GALNT13: variants seen among roughly 807,000 people sequenced by gnomAD.
GALNT13 encodes the protein polypeptide N-acetylgalactosaminyltransferase 13, also known as UDP-GalNAc:polypeptide N-acetylgalactosaminyltransferase 13.
In GALNT13, 28 loss-of-function variants were observed where a neutral mutation model predicts 64.2. The ratio of observed to expected loss-of-function variants is 0.44; its 90% CI spans 0.32 to 0.60. The LOEUF (loss-of-function observed/expected upper bound fraction) is 0.60, where lower values mean the gene tolerates loss of function less well. Among genes scored for constraint, GALNT13 ranks in the 20% least tolerant of loss-of-function variants. The pLI is 0.05. For synonymous variants in GALNT13, 214 were observed against 224.6 expected, an observed-to-expected ratio of 0.95 and a Z score of 0.42; for missense variants, 577 against 669.8, an observed-to-expected ratio of 0.86 and a Z score of 1.53.
chr2:153,546,040 A>G, the GALNT13 span, among the ~76,000 whole-genome samples: 4 of 152,122 alleles, frequency 2.6e-5, no homozygotes, highest in African/African-American at 9.7e-5. Context: ...TCTCTTCCTC[A>G]TTCCCACCAT....
the GALNT13 span, among the ~76,000 whole-genome samples, chr2:153,796,272 G>A: frequency 6.6e-6 from 1 of 152,236 alleles, no homozygotes; most frequent in East Asian, 1.9e-4. Context: ...GTCAATTATC[G>A]CAAGAAGAGA....
chr2:153,092,779 A>G, the GALNT13 span, among the ~76,000 whole-genome samples: 2 of 152,174 alleles, frequency 1.3e-5, no homozygotes, highest in African/African-American at 2.4e-5. Context: ...CATCTGCAAA[A>G]CAAAGATAAT....
chr2:153,326,600 G>T, the GALNT13 span, among the ~76,000 whole-genome samples: 3 of 152,060 alleles, frequency 2.0e-5, no homozygotes, highest in African/African-American at 7.2e-5. Context: ...TTACATTTTG[G>T]TATGTTTTTG....
At chr2:154,110,114 G>A (rs11679438) in intron 3 of GALNT13, among the ~76,000 whole-genome samples, 27,557 of 150,652 alleles carry the variant, frequency 0.18, 3,306 homozygotes, top group Non-Finnish European at 0.26. Flanking sequence ...TTTCTTTGCT[G>A]GATGAACTGA....
chr2:153,806,183 T>C, the GALNT13 span, among the ~76,000 whole-genome samples: 1 of 152,076 alleles, frequency 6.6e-6, no homozygotes, highest in East Asian at 1.9e-4. Flanking sequence ...GTCTAAAACA[T>C]CTTGTTATAC....
rs963264394 is a variant in GALNT13, at chr2:153,972,499, A to G, written c.142+27860A>G. Among the ~76,000 whole-genome samples, 15 of 152,238 alleles carry G rather than the reference A, an allele frequency of 9.9e-5. 1 individual carries two copies. Among genetic ancestry groups the G allele is most frequent in the African/African-American group, 3.6e-4 (15 of 41,560 alleles). The stretch of plus-strand genomic sequence containing the variant: ...TGGAAGTCCCCTTATTAGAAAAACA[A>G]TAACTACATATTGAGAATGTATAAC... On this transcript the variant is annotated intron_variant, in intron 3 of 12. Transcript: ENST00000392825.
At chr2:154,305,958 A>G (rs1693708517) in intron 9 of GALNT13, among the ~76,000 whole-genome samples, 2 of 152,190 alleles carry the variant, frequency 1.3e-5, no homozygotes, top group African/African-American at 4.8e-5. Flanking sequence ...GAATGAATGA[A>G]TAATTTTTAA....
intron 3 of GALNT13, among the ~76,000 whole-genome samples, chr2:154,108,810 A>G (rs2105481954): frequency 6.6e-6 from 1 of 152,088 alleles, no homozygotes. Context: ...CTGCATGTGG[A>G]TATTCAGCTT....
At chr2:154,117,045 T>C (rs2105506420) in intron 3 of GALNT13, among the ~76,000 whole-genome samples, 1 of 152,212 alleles carries the variant, frequency 6.6e-6, no homozygotes, top group Admixed American at 6.5e-5. Context: ...GCAGGAAGCA[T>C]CCAGCATGGG....
chr2:153,617,605 T>C, the GALNT13 span, among the ~76,000 whole-genome samples: 1 of 151,972 alleles, frequency 6.6e-6, no homozygotes, highest in African/African-American at 2.4e-5. Context: ...TCCTCTTTTA[T>C]TTTTGGAAAA....
At chr2:153,885,898 G>A (rs142292455) in intron 1 of GALNT13, among the ~76,000 whole-genome samples, 73 of 152,052 alleles carry the variant, frequency 4.8e-4, no homozygotes, top group Non-Finnish European at 9.0e-4. Context: ...CTAACCTGCC[G>A]GTTGTTGCTG....
the GALNT13 span, among the ~76,000 whole-genome samples, chr2:153,321,728 C>G: frequency 1.3e-5 from 2 of 152,134 alleles, no homozygotes; most frequent in Admixed American, 6.6e-5. Flanking sequence ...CCCTAAACTT[C>G]CCAGTGGAGC....
At chr2:153,686,130 T>C in the GALNT13 span, among the ~76,000 whole-genome samples, 1 of 151,958 alleles carries the variant, frequency 6.6e-6, no homozygotes, top group Admixed American at 6.6e-5. Context: ...GTTCGGGCTC[T>C]TTTTTTGGTT....
At chr2:154,263,455 A>G (rs1009887632) in intron 8 of GALNT13, among the ~76,000 whole-genome samples, 19 of 152,146 alleles carry the variant, frequency 1.2e-4, no homozygotes, top group African/African-American at 4.6e-4. Flanking sequence ...AGAATCACCT[A>G]AAAACAATCT....
the GALNT13 span, among the ~76,000 whole-genome samples, chr2:153,828,553 C>T: frequency 6.6e-6 from 1 of 152,088 alleles, no homozygotes; most frequent in Non-Finnish European, 1.5e-5. Flanking sequence ...GGTACAAAGT[C>T]CCTAGACTAC....
chr2:153,763,115 T>C, the GALNT13 span, among the ~76,000 whole-genome samples: 3 of 152,092 alleles, frequency 2.0e-5, no homozygotes, highest in Non-Finnish European at 4.4e-5. Context: ...TTACCTATTG[T>C]TGTTTTGATG....
intron 3 of GALNT13, among the ~76,000 whole-genome samples, chr2:154,137,661 A>G (rs908430190): frequency 2.0e-5 from 3 of 152,226 alleles, no homozygotes; most frequent in East Asian, 1.9e-4. Context: ...TGTGCTTTAA[A>G]TTGACCTTCA....
chr2:153,566,348 G>GTTTTTTTTTTTTTTTTTTTTTTTTTT, the GALNT13 span, among the ~76,000 whole-genome samples: 34 of 74,796 alleles, frequency 4.5e-4, 2 homozygotes, highest in African/African-American at 1.7e-3. Flanking sequence ...TTCTAATCAC[G>GTTTTTTTTTTTTTTTTTTTTTTTTTT]TTTTTTTTTT....
At chr2:154,371,157 C>T (rs1697664460) in intron 9 of GALNT13, among the ~76,000 whole-genome samples, 1 of 151,916 alleles carries the variant, frequency 6.6e-6, no homozygotes, top group Non-Finnish European at 1.5e-5. Context: ...ATAGAAGCCA[C>T]CTAAGTGTAG....
Sources: allele counts gnomAD v4.1 joint callset (sites outside exome capture counted in the v4.1 genomes callset), GRCh38; gene constraint gnomAD v4.1.1; transcripts MANE v1.5; gene names NCBI Gene and HGNC (gene_info 2026-07-23, HGNC 2026-07-21).